LRMDA: variants seen among roughly 807,000 people sequenced by gnomAD.
LRMDA encodes leucine rich melanocyte differentiation associated.
A neutral mutation model predicts 29.8 loss-of-function variants in LRMDA; 18 were observed. The observed-to-expected ratio is 0.60, with a 90% confidence interval of 0.42 to 0.90. LRMDA has a LOEUF of 0.90. LRMDA is among the 40% of genes least tolerant of loss of function. LRMDA has a pLI of 0.00. For synonymous variants in LRMDA, 125 were observed against 109.4 expected (o/e 1.14, Z -0.89); for missense variants, 273 against 273.9 (o/e 1.00, Z 0.02).
intron 5 of LRMDA, among the ~76,000 whole-genome samples, chr10:76,065,779 T>C (rs905035647): frequency 8.5e-5 from 13 of 152,234 alleles, no homozygotes; most frequent in Admixed American, 1.3e-4. Flanking sequence ...GGAATACACT[T>C]CCCCATTCCA....
intron 2 of LRMDA, among the ~76,000 whole-genome samples, chr10:76,005,387 G>A (rs898649269): frequency 2.6e-5 from 4 of 152,140 alleles, no homozygotes; most frequent in South Asian, 4.2e-4. Flanking sequence ...AACCTTTGCT[G>A]ACTGAATAAA....
intron 6 of LRMDA, among the ~76,000 whole-genome samples, chr10:76,419,836 A>G (rs997765732): frequency 6.6e-6 from 1 of 152,058 alleles, no homozygotes; most frequent in African/African-American, 2.4e-5. Context: ...TCTTTTATCT[A>G]TTGTTTGGAA....
intron 2 of LRMDA, among the ~76,000 whole-genome samples, chr10:75,778,888 G>A (rs868027071): frequency 1.1e-4 from 16 of 152,186 alleles, no homozygotes; most frequent in African/African-American, 3.9e-4. Flanking sequence ...TGGGCCAGAA[G>A]GGAAGGGATC....
intron 2 of LRMDA, among the ~76,000 whole-genome samples, chr10:76,006,983 C>CGTGTGTGTGTGTGTGTGTGTGTGTGT (rs572881040): frequency 4.5e-4 from 52 of 116,204 alleles, no homozygotes; most frequent in African/African-American, 1.5e-3. Context: ...ATGGAGAAGG[C>CGTGTGTGTGTGTGTGTGTGTGTGTGT]GTGTGTGTGT....
chr10:76,386,979 G>A (rs192269676), intron 6 of LRMDA, among the ~76,000 whole-genome samples: 38 of 152,044 alleles, frequency 2.5e-4, no homozygotes, highest in Non-Finnish European at 4.7e-4. Context: ...TGAAATATTC[G>A]TAAATAAAAC....
chr10:76,213,128 TAG>T (rs1175112402), intron 5 of LRMDA, among the ~76,000 whole-genome samples: 1 of 152,236 alleles, frequency 6.6e-6, no homozygotes, highest in African/African-American at 2.4e-5. Flanking sequence ...TTGAAGTCTT[TAG>T]TTACAGCCAC....
At chr10:76,321,943 T>TCAACAA (rs141935358) in intron 5 of LRMDA, among the ~76,000 whole-genome samples, 6 of 151,924 alleles carry the variant, frequency 3.9e-5, no homozygotes, top group Non-Finnish European at 5.9e-5. Flanking sequence ...AGATTCTGTC[T>TCAACAA]CAACAACAAC....
intron 2 of LRMDA, among the ~76,000 whole-genome samples, chr10:75,671,969 G>A (rs146222664): frequency 1.0e-3 from 155 of 152,104 alleles, no homozygotes; most frequent in African/African-American, 3.3e-3. Flanking sequence ...CCTTTGACTC[G>A]TTCTCTAGTT....
chr10:75,994,621 G>A (rs531233526), intron 2 of LRMDA, among the ~76,000 whole-genome samples: 3 of 152,268 alleles, frequency 2.0e-5, no homozygotes, highest in East Asian at 3.9e-4. Context: ...AAAGAAAATC[G>A]CGCTCACCTC....
chr10:75,643,236 T>A (rs552127795), intron 2 of LRMDA: 1 of 152,198 alleles, frequency 6.6e-6, no homozygotes, highest in South Asian at 2.1e-4. Flanking sequence ...CCATGCTAAC[T>A]CTGGAAGAAA....
At chr10:76,152,266 TACAACA>T (rs1292199132) in intron 5 of LRMDA, among the ~76,000 whole-genome samples, 1 of 148,916 alleles carries the variant, frequency 6.7e-6, no homozygotes, top group African/African-American at 2.4e-5. Context: ...AATGTAGTCA[TACAACA>T]TGTAGCCTTT....
chr10:76,376,832 A>T (rs1218264194), intron 6 of LRMDA, among the ~76,000 whole-genome samples: 1 of 79,176 alleles, frequency 1.3e-5, no homozygotes, highest in African/African-American at 4.8e-5. Context: ...AATGTTGAGC[A>T]TTTTTTCAAA....
intron 2 of LRMDA, among the ~76,000 whole-genome samples, chr10:75,990,984 C>T (rs7097530): frequency 0.4 from 60,023 of 151,924 alleles, 13,316 homozygotes; most frequent in African/African-American, 0.59. Flanking sequence ...AGTTGAACTT[C>T]CCTGGACCTC....
At chr10:75,457,293 AT>A (rs1844530556) in intron 2 of LRMDA, among the ~76,000 whole-genome samples, 1 of 152,170 alleles carries the variant, frequency 6.6e-6, no homozygotes, top group Admixed American at 6.5e-5. Flanking sequence ...TTGTCCTAAG[AT>A]CTTTATCTGG....
intron 5 of LRMDA, among the ~76,000 whole-genome samples, chr10:76,203,576 C>T (rs1851471835): frequency 6.6e-6 from 1 of 152,228 alleles, no homozygotes. Context: ...GGGTTTATGG[C>T]AGAGGACACT....
intron 2 of LRMDA, among the ~76,000 whole-genome samples, chr10:75,990,670 C>A (rs932755305): frequency 6.6e-6 from 1 of 151,920 alleles, no homozygotes; most frequent in East Asian, 1.9e-4. Flanking sequence ...TATATTTACA[C>A]CCATAAATAA....
At chr10:75,985,843 G>C (rs1847253518) in intron 2 of LRMDA, among the ~76,000 whole-genome samples, 1 of 152,184 alleles carries the variant, frequency 6.6e-6, no homozygotes, top group Non-Finnish European at 1.5e-5. Context: ...GAAGCGAAAA[G>C]GGGTCCTGGA....
chr10:75,596,331 G>A (rs1402084640), intron 2 of LRMDA, among the ~76,000 whole-genome samples: 1 of 152,182 alleles, frequency 6.6e-6, no homozygotes, highest in African/African-American at 2.4e-5. Context: ...TCCTGCTGAG[G>A]AGTGAAGGTG....
intron 4 of LRMDA, among the ~76,000 whole-genome samples, chr10:76,052,136 G>A (rs2132046865): frequency 6.6e-6 from 1 of 152,300 alleles, no homozygotes; most frequent in South Asian, 2.1e-4. Context: ...GCCTTCAGGG[G>A]TCTCAGGTAG....
Sources: gnomAD v4.1 joint callset for allele counts (sites outside exome capture counted in the v4.1 genomes callset) on GRCh38, gnomAD v4.1.1 for gene constraint, MANE v1.5 for transcripts, NCBI Gene and HGNC (gene_info 2026-07-23, HGNC 2026-07-21) for gene names.